The following ZBTB7C variants were observed in gnomAD, a reference collection of about 807,000 sequenced individuals.
ZBTB7C encodes zinc finger and BTB domain containing 7C, also known as zinc finger and BTB domain-containing protein 7C.
A neutral mutation model predicts 25.7 loss-of-function variants in ZBTB7C; 8 were observed. The ratio of observed to expected loss-of-function variants is 0.31; its 90% CI spans 0.18 to 0.56. ZBTB7C has a LOEUF of 0.56. Among genes scored for constraint, ZBTB7C ranks in the 20% least tolerant of loss-of-function variants. The probability of loss-of-function intolerance (pLI) is 0.91; values close to 1 mark genes in which losing one functional copy is unlikely to be tolerated. For synonymous variants in ZBTB7C, 394 were observed against 369.0 expected (o/e 1.07, Z -0.78); for missense variants, 824 against 855.2 (o/e 0.96, Z 0.46).
At chr18:48,058,241 A>G (rs2036993050) in intron 3 of ZBTB7C, among the ~76,000 whole-genome samples, 1 of 152,216 alleles carries the variant, frequency 6.6e-6, no homozygotes, top group South Asian at 2.1e-4. Flanking sequence ...AATGAGCTCT[A>G]AAGGGTTGGA....
intron 2 of ZBTB7C, among the ~76,000 whole-genome samples, chr18:48,219,302 C>T (rs1018712006): frequency 3.9e-5 from 6 of 152,202 alleles, no homozygotes; most frequent in African/African-American, 1.2e-4. Flanking sequence ...TGGGCTCTCC[C>T]TCCTAGCAAA....
At chr18:48,271,766 A>C (rs1281333493) in intron 2 of ZBTB7C, among the ~76,000 whole-genome samples, 1 of 152,000 alleles carries the variant, frequency 6.6e-6, no homozygotes, top group African/African-American at 2.4e-5. Flanking sequence ...CATTTGACAA[A>C]ATTCCATACT....
chr18:48,353,955 T>A (rs2046920282), intron 1 of ZBTB7C, among the ~76,000 whole-genome samples: 1 of 152,212 alleles, frequency 6.6e-6, no homozygotes, highest in South Asian at 2.1e-4. Flanking sequence ...ACTTTACCTC[T>A]ACTCTAAATC....
At chr18:48,312,283 T>C in intron 2 of ZBTB7C, among the ~76,000 whole-genome samples, 1 of 152,192 alleles carries the variant, frequency 6.6e-6, no homozygotes, top group East Asian at 1.9e-4. Flanking sequence ...CTGGCATTCT[T>C]GTTCATCCTG....
At chr18:48,304,237 C>T (rs956487985) in intron 2 of ZBTB7C, among the ~76,000 whole-genome samples, 3 of 152,228 alleles carry the variant, frequency 2.0e-5, no homozygotes, top group African/African-American at 7.2e-5. Context: ...TGGTGTACCC[C>T]CAATCACAAA....
chr18:48,166,749 C>T (rs1450733446), intron 3 of ZBTB7C, among the ~76,000 whole-genome samples: 8 of 152,182 alleles, frequency 5.3e-5, no homozygotes, highest in Non-Finnish European at 8.8e-5. Flanking sequence ...CAGCCAGGGG[C>T]GAGCCGTAGA....
chr18:48,038,728 A>G (rs1040265581), intron 4 of ZBTB7C, among the ~76,000 whole-genome samples: 15 of 152,286 alleles, frequency 9.8e-5, no homozygotes, highest in African/African-American at 3.6e-4. Context: ...CAGCACCGCC[A>G]CCGGAACAAG....
intron 2 of ZBTB7C, among the ~76,000 whole-genome samples, chr18:48,205,135 C>T (rs1018939882): frequency 1.3e-5 from 2 of 152,056 alleles, no homozygotes; most frequent in African/African-American, 4.8e-5. Context: ...GAAGTATTTA[C>T]TGAGGTCTAG....
intron 2 of ZBTB7C, among the ~76,000 whole-genome samples, chr18:48,197,899 A>G (rs867290458): frequency 6.6e-6 from 1 of 152,162 alleles, no homozygotes; most frequent in African/African-American, 2.4e-5. Flanking sequence ...TACTTTAGAT[A>G]TTATCTATTA....
chr18:48,336,682 G>A (rs1162900715), intron 2 of ZBTB7C, among the ~76,000 whole-genome samples: 1 of 152,136 alleles, frequency 6.6e-6, no homozygotes, highest in Non-Finnish European at 1.5e-5. Context: ...TTCATCAGGA[G>A]GCATGTTGCC....
Position 48,257,721 on chromosome 18 carries a change from T to C in ZBTB7C, c.-78-71726A>G, listed in dbSNP as rs548376996. On this transcript the variant is annotated intron_variant, in intron 2 of 4. Coordinates refer to ENST00000590800, the MANE Select transcript of ZBTB7C (RefSeq NM_001318841.2). Reference sequence around the variant, plus strand: ...TAAAATATCAGGACTAAGTGGTATTTATCTCAGGACTGAAAGGTTGGTTTA... The same window carrying C: ...TAAAATATCAGGACTAAGTGGTATTCATCTCAGGACTGAAAGGTTGGTTTA... 4.6e-5 allele frequency among the ~76,000 whole-genome samples: 7 copies of C among 152,192 alleles called. No homozygotes were observed. In the South Asian group the frequency reaches 8.3e-4, roughly 18 times the overall value.
At chr18:48,171,742 G>A (rs1014906900) in intron 3 of ZBTB7C, among the ~76,000 whole-genome samples, 4 of 152,220 alleles carry the variant, frequency 2.6e-5, no homozygotes, top group South Asian at 4.1e-4. Context: ...GGTGCCTGCC[G>A]GGTCCTAGCT....
At chr18:48,114,943 T>C (rs1351017977) in intron 3 of ZBTB7C, among the ~76,000 whole-genome samples, 4 of 152,234 alleles carry the variant, frequency 2.6e-5, no homozygotes, top group Non-Finnish European at 5.9e-5. Context: ...AATTTGCCAT[T>C]TTAACCACAT....
chr18:48,294,613 C>G (rs985653754), intron 2 of ZBTB7C, among the ~76,000 whole-genome samples: 5 of 151,852 alleles, frequency 3.3e-5, no homozygotes. Context: ...CAGCTGCCCT[C>G]CACCCACACG....
chr18:48,204,225 G>A (rs115777898), intron 2 of ZBTB7C, among the ~76,000 whole-genome samples: 3,226 of 152,260 alleles, frequency 0.021, 123 homozygotes, highest in African/African-American at 0.074. Flanking sequence ...GACAGCAGAC[G>A]TGCTGGGAGG....
At chr18:48,309,098 A>G (rs2045750092) in intron 2 of ZBTB7C, among the ~76,000 whole-genome samples, 1 of 152,170 alleles carries the variant, frequency 6.6e-6, no homozygotes, top group African/African-American at 2.4e-5. Context: ...GACTGCGGAG[A>G]TGAGGGAAAG....
At chr18:48,193,737 C>T (rs34446059) in intron 2 of ZBTB7C, among the ~76,000 whole-genome samples, 5,606 of 152,332 alleles carry the variant, frequency 0.037, 130 homozygotes, top group East Asian at 0.053. Context: ...TCCACTGAAA[C>T]AAGGTGGCAG....
chr18:48,280,154 T>C (rs1307010168), intron 2 of ZBTB7C, among the ~76,000 whole-genome samples: 1 of 152,210 alleles, frequency 6.6e-6, no homozygotes, highest in East Asian at 1.9e-4. Flanking sequence ...GGAGCATGTA[T>C]TGGAGGGTGC....
At chr18:48,220,311 T>C (rs530977671) in intron 2 of ZBTB7C, among the ~76,000 whole-genome samples, 6 of 152,300 alleles carry the variant, frequency 3.9e-5, no homozygotes, top group Admixed American at 1.3e-4. Flanking sequence ...ACCACTTTAT[T>C]GGGGCTGCAG....
Sources: allele counts gnomAD v4.1 joint callset (sites outside exome capture counted in the v4.1 genomes callset), GRCh38; gene constraint gnomAD v4.1.1; transcripts MANE v1.5; gene names NCBI Gene and HGNC (gene_info 2026-07-23, HGNC 2026-07-21).